Variants in ELF2 observed in about 807,000 individuals in gnomAD.
ELF2 encodes E74 like ETS transcription factor 2, also known as ETS-related transcription factor Elf-2.
A neutral mutation model predicts 54.8 loss-of-function variants in ELF2; 11 were observed. The observed-to-expected ratio is 0.20, with a 90% CI of 0.13 to 0.33. The LOEUF (loss-of-function observed/expected upper bound fraction) is 0.33. Among genes scored for constraint, ELF2 ranks in the 10% least tolerant of loss-of-function variants. The pLI, the probability that ELF2 is intolerant of heterozygous loss-of-function variation, is 1.00. For missense variants in ELF2, 513 were observed against 703.0 expected (o/e 0.73, Z 3.06); for synonymous variants, 203 against 245.1 (o/e 0.83, Z 1.61).
chr4:139,172,071 G>T (rs1742364650), intron 1 of ELF2, among the ~76,000 whole-genome samples: 2 of 152,186 alleles, frequency 1.3e-5, no homozygotes. Flanking sequence ...GTTTGGCAGT[G>T]TCCTAAAAAG....
At chr4:139,165,680 A>G (rs994800500) in intron 1 of ELF2, among the ~76,000 whole-genome samples, 2 of 152,142 alleles carry the variant, frequency 1.3e-5, no homozygotes, top group Admixed American at 6.5e-5. Context: ...TAAAAAATAA[A>G]TAAGTCTTTC....
intron 1 of ELF2, among the ~76,000 whole-genome samples, chr4:139,150,756 C>T (rs968229826): frequency 3.3e-5 from 5 of 151,940 alleles, no homozygotes; most frequent in Non-Finnish European, 5.9e-5. Context: ...GGTGTGGTGG[C>T]TCATGCCTGT....
Position 139,137,754 on chromosome 4 carries a change from C to T in ELF2, c.-53G>A, listed in dbSNP as rs1738329129. On this transcript the variant is annotated 5_prime_UTR_variant, in exon 3 of 10. An upstream open reading frame in the 5' UTR loses its in-frame stop. Coordinates refer to ENST00000686138, the MANE Select transcript of ELF2 (RefSeq NM_001331036.3). ...CTATTAATCAATGAAATTAAAGGTT[C>T]ACTGATGGTTGCCAGTGTTATAGGT... The T allele has an allele frequency of 6.2e-7, 1 of 1,608,950 alleles. No individual in the cohort carries two copies. Among genetic ancestry groups the T allele is most frequent in the Non-Finnish European group, 8.5e-7 (1 of 1,178,224 alleles).
At chr4:139,075,044 C>G (rs993794051) in intron 4 of ELF2, among the ~76,000 whole-genome samples, 1 of 152,230 alleles carries the variant, frequency 6.6e-6, no homozygotes, top group Non-Finnish European at 1.5e-5. Context: ...ATTAACCTCG[C>G]TCTCTTCAGA....
intron 1 of ELF2, among the ~76,000 whole-genome samples, chr4:139,140,462 T>C (rs182394469): frequency 6.6e-6 from 1 of 152,244 alleles, no homozygotes; most frequent in East Asian, 1.9e-4. Flanking sequence ...ATCTTAAAAG[T>C]AGAAAAGTTG....
At chr4:139,174,390 T>G (rs886314608) in intron 1 of ELF2, among the ~76,000 whole-genome samples, 1 of 152,152 alleles carries the variant, frequency 6.6e-6, no homozygotes, top group Non-Finnish European at 1.5e-5. Flanking sequence ...TCTATAATGA[T>G]AGAAAGTCGA....
At chr4:139,114,101 CTAAT>C (rs1401476136) in intron 4 of ELF2, among the ~76,000 whole-genome samples, 7 of 152,092 alleles carry the variant, frequency 4.6e-5, no homozygotes, top group Non-Finnish European at 7.4e-5. Flanking sequence ...CAAAGTTATA[CTAAT>C]TAAGTGATAT....
chr4:139,151,096 A>AAAGAAAG lies in ELF2; in HGVS notation c.-251-11600_-251-11599insCTTTCTT, dbSNP rs1560871880. On this transcript the variant is annotated intron_variant, in intron 1 of 9. Transcript: ENST00000686138. ...AGAAAGAAAGAAAGAAAGAAAGAAA[A>AAAGAAAG]AGAGAGCTATTTAATAAATTGTGCT... Among the ~76,000 whole-genome samples the AAAGAAAG allele has an allele frequency of 8.0e-4, 102 of 128,274 alleles. 2 individuals carry two copies. The highest frequency in any genetic ancestry group is 3.0e-3 in the Admixed American group (40 of 13,532). The allele number at this position is 128,274 out of a possible 152,430, so 84.2% of individuals were successfully genotyped here.
rs1455626004 is a variant in ELF2 at position 139,059,675 on chromosome 4, A to C, written c.1158-68T>G. ...ACTGAGAAAATAGGTCTCCTGAGTA[A>C]AAGATTAATACAAATCCAAAATGTG... On this transcript the variant is annotated intron_variant, in intron 9 of 9. Transcript: ENST00000686138. 20 of 1,530,788 alleles carry C rather than the reference A, an allele frequency of 1.3e-5. No individual in the cohort carries two copies. In the East Asian group the frequency reaches 4.3e-4, roughly 33 times the overall value. The allele number at this position is 1,530,788 out of a possible 1,614,324, so 94.8% of individuals were successfully genotyped here.
Position 139,058,223 on chromosome 4 carries a change from T to C in ELF2, c.*760A>G, listed in dbSNP as rs1260673524. ...AGAAACTGACAGACTTAAACTACCA[T>C]ATAAAATGTTACATGTATATTCTAT... On this transcript the variant is annotated 3_prime_UTR_variant, in exon 10 of 10. Coordinates refer to ENST00000686138, the MANE Select transcript of ELF2 (RefSeq NM_001331036.3). 1 of 152,272 alleles carries C rather than the reference T, an allele frequency of 6.6e-6. No individual in the cohort carries two copies. The highest frequency in any genetic ancestry group is 1.5e-5 in the Non-Finnish European group (1 of 68,012). 9.4% of individuals were successfully genotyped at this position (152,272 alleles called of 1,614,324 possible). A position where few individuals can be genotyped will look rare whatever the true frequency, so the allele number is the denominator to read the frequency against.
chr4:139,118,358 G>C (rs1461773162), intron 4 of ELF2, among the ~76,000 whole-genome samples: 5 of 152,156 alleles, frequency 3.3e-5, no homozygotes, highest in African/African-American at 1.2e-4. Context: ...ATGTAGTTGG[G>C]CCTTAAAAGA....
chr4:139,156,953 C>T (rs1049673441), intron 1 of ELF2, among the ~76,000 whole-genome samples: 1 of 152,102 alleles, frequency 6.6e-6, no homozygotes, highest in Non-Finnish European at 1.5e-5. Flanking sequence ...CACATATATT[C>T]TTATGTACTA....
At chr4:139,079,074 C>T (rs560694050) in intron 4 of ELF2, among the ~76,000 whole-genome samples, 2 of 151,990 alleles carry the variant, frequency 1.3e-5, no homozygotes, top group East Asian at 3.9e-4. Flanking sequence ...CACAGGCACG[C>T]ATCAGCACAC....
chr4:139,061,775 A>G, intron 8 of ELF2, 90 bp downstream of exon 8: 1 of 1,449,954 alleles, frequency 6.9e-7, no homozygotes, highest in Non-Finnish European at 9.3e-7. Context: ...TAAAAGTTGT[A>G]AAGGATTTTC....
At chr4:139,077,123 T>C (rs1730418457) in intron 4 of ELF2, among the ~76,000 whole-genome samples, 1 of 152,164 alleles carries the variant, frequency 6.6e-6, no homozygotes, top group Non-Finnish European at 1.5e-5. Flanking sequence ...ATGAAGCTTA[T>C]ACTACTATAG....
At chr4:139,087,895 A>T (rs1310694110) in intron 4 of ELF2, among the ~76,000 whole-genome samples, 2 of 152,196 alleles carry the variant, frequency 1.3e-5, no homozygotes, top group African/African-American at 4.8e-5. Context: ...TATTATCATC[A>T]AAGAATATGT....
Position 139,125,233 on chromosome 4 carries a change from C to G in ELF2, c.169G>C (p.Asp57His). 2 of 1,614,004 alleles carry G rather than the reference C, an allele frequency of 1.2e-6. No individual in the cohort carries two copies. Among genetic ancestry groups the G allele is most frequent in the Non-Finnish European group, 1.7e-6 (2 of 1,179,962 alleles). ...QGYAAQVLVY[D>H]DETYMMQDVA... ...TCTTGCATCATATAAGTCTCATCAT[C>G]ATAAACCAGAACCTGGGCTGCATAG... Residue 57 changes from aspartate to histidine, a missense_variant, in exon 4 of 10, where the codon GAT becomes CAT. Coordinates refer to ENST00000686138, the MANE Select transcript of ELF2 (RefSeq NM_001331036.3).
chr4:139,085,628 A>G (rs2148742013), intron 4 of ELF2, among the ~76,000 whole-genome samples: 1 of 152,284 alleles, frequency 6.6e-6, no homozygotes, highest in East Asian at 1.9e-4. Context: ...CCCTATCACC[A>G]TGATCCTCAC....
At chr4:139,075,583 C>T (rs997188153) in intron 4 of ELF2, among the ~76,000 whole-genome samples, 7 of 152,192 alleles carry the variant, frequency 4.6e-5, no homozygotes, top group African/African-American at 1.4e-4. Context: ...GCACATGCCA[C>T]CATACCGGAT....
Sources: gnomAD v4.1 joint callset for allele counts (sites outside exome capture counted in the v4.1 genomes callset) on GRCh38, gnomAD v4.1.1 for gene constraint, MANE v1.5 for transcripts, NCBI Gene and HGNC (gene_info 2026-07-23, HGNC 2026-07-21) for gene names.